AOPEP: variants seen among roughly 807,000 people sequenced by gnomAD.
AOPEP encodes the protein aminopeptidase O (putative).
In AOPEP, 77 loss-of-function variants were observed where a neutral mutation model predicts 98.1. That is an observed-to-expected ratio of 0.78 (90% CI 0.65 to 0.95). AOPEP has a LOEUF of 0.95. Ranked by LOEUF, AOPEP falls within the 40% of genes least tolerant of loss-of-function variation. The pLI, the probability that AOPEP is intolerant of heterozygous loss-of-function variation, is 0.00. For missense variants in AOPEP, 1,024 were observed against 1,024.7 expected, an observed-to-expected ratio of 1.00 and a Z score of 0.01; for synonymous variants, 346 against 365.3, an observed-to-expected ratio of 0.95 and a Z score of 0.60.
At chr9:95,147,343 C>G in the AOPEP span, among the ~76,000 whole-genome samples, 1 of 152,090 alleles carries the variant, frequency 6.6e-6, no homozygotes, top group Admixed American at 6.6e-5. Flanking sequence ...CATGGAAAAC[C>G]CTGTCTCTAC....
At chr9:94,886,701 G>A (rs2048281392) in intron 5 of AOPEP, among the ~76,000 whole-genome samples, 1 of 152,124 alleles carries the variant, frequency 6.6e-6, no homozygotes, top group African/African-American at 2.4e-5. Flanking sequence ...AATTGTTGTG[G>A]AACAGTGCAG....
chr9:95,010,017 C>T (rs1281795419), intron 13 of AOPEP, among the ~76,000 whole-genome samples: 3 of 151,572 alleles, frequency 2.0e-5, no homozygotes, highest in African/African-American at 2.4e-5. Flanking sequence ...TTCATTTGTT[C>T]CTTGTACATA....
chr9:94,821,586 C>T (rs1434703581), intron 5 of AOPEP, among the ~76,000 whole-genome samples: 1 of 152,160 alleles, frequency 6.6e-6, no homozygotes, highest in Non-Finnish European at 1.5e-5. Context: ...TTCCAGGCTC[C>T]TCAAGGAAGA....
chr9:94,772,917 T>C, intron 2 of AOPEP, 85 bp from the exon 3 acceptor site: 2 of 1,301,372 alleles, frequency 1.5e-6, no homozygotes, highest in African/African-American at 1.5e-5. Context: ...AAAGCTCAAC[T>C]TAACCTGCAC....
the AOPEP span, chr9:95,117,474 C>T: frequency 7.7e-6 from 8 of 1,037,730 alleles, no homozygotes; most frequent in South Asian, 4.0e-5. Flanking sequence ...AGTCCTCTGC[C>T]CAAAAAAGAC....
chr9:95,019,637 T>C (rs1571897), intron 13 of AOPEP: 142,836 of 152,262 alleles, frequency 0.94, 67,115 homozygotes, highest in Middle Eastern at 0.99. Flanking sequence ...GACAAAAGTG[T>C]ACTCTAGTTT....
intron 7 of AOPEP, among the ~76,000 whole-genome samples, chr9:94,931,011 G>A (rs750939248): frequency 2.6e-5 from 4 of 152,100 alleles, no homozygotes; most frequent in Admixed American, 1.3e-4. Context: ...TTTCCATTAC[G>A]TCTCTTAGTC....
At chr9:94,850,034 CAAAAA>C (rs11309177) in intron 5 of AOPEP, among the ~76,000 whole-genome samples, 6 of 113,196 alleles carry the variant, frequency 5.3e-5, no homozygotes, top group Middle Eastern at 4.2e-3. Context: ...GATTCCATCT[CAAAAA>C]AAAAAAAAAA....
intron 14 of AOPEP, among the ~76,000 whole-genome samples, chr9:95,076,033 A>C (rs977016586): frequency 5.3e-5 from 8 of 152,334 alleles, no homozygotes; most frequent in Admixed American, 2.0e-4. Context: ...TCTTCAGGCC[A>C]GTGGGTAGCT....
chr9:94,765,678 C>G (rs1839440876), intron 2 of AOPEP, among the ~76,000 whole-genome samples: 1 of 151,342 alleles, frequency 6.6e-6, no homozygotes. Context: ...AGCTGTTTTC[C>G]CACTTTACCA....
rs1031177998 is a variant in AOPEP, at chr9:94,853,835, G to T, written c.1364+52833G>T. ...AGAATAGGGTATTCTTCATCAGACA[G>T]ATATTGTATAATATCCATGGTACAC... On this transcript the variant is annotated intron_variant, in intron 5 of 16. Coordinates refer to ENST00000375315, the MANE Select transcript of AOPEP (RefSeq NM_001193329.3). Among the ~76,000 whole-genome samples the T allele has an allele frequency of 3.3e-5, 5 of 152,198 alleles. No homozygotes were observed. In the East Asian group the frequency reaches 9.6e-4, roughly 29 times the overall value.
intron 11 of AOPEP, among the ~76,000 whole-genome samples, chr9:94,999,153 A>T (rs145547610): frequency 2.6e-5 from 4 of 151,996 alleles, no homozygotes; most frequent in Non-Finnish European, 5.9e-5. Context: ...AAAACAAAAA[A>T]CCCCAAAAAA....
intron 3 of AOPEP, among the ~76,000 whole-genome samples, chr9:94,775,948 C>T (rs1244627631): frequency 1.3e-5 from 2 of 151,906 alleles, no homozygotes; most frequent in Admixed American, 1.3e-4. Context: ...CACTGCACTC[C>T]AGCCTGGGTG....
intron 5 of AOPEP, among the ~76,000 whole-genome samples, chr9:94,825,879 A>C (rs1854403979): frequency 6.6e-6 from 1 of 152,260 alleles, no homozygotes; most frequent in South Asian, 2.1e-4. Context: ...GTGTCAGCCT[A>C]GGAATAACCT....
At position 95,046,278 on chromosome 9, in the gene AOPEP, A is replaced by T. The variant is rs1341067466; in HGVS notation, c.2116-14416A>T. 2.6e-5 allele frequency among the ~76,000 whole-genome samples: 4 copies of T among 152,340 alleles called. No homozygotes were observed. The South Asian group carries it at 8.3e-4, about 32-fold the overall frequency. ...CCTTTTAGTTGAAAGCAGAATTGCA[A>T]ATTTGACCAACTTAATCGGCAGTGG... On this transcript the variant is annotated intron_variant, in intron 13 of 16. Coordinates refer to ENST00000375315, the MANE Select transcript of AOPEP (RefSeq NM_001193329.3).
chr9:94,845,550 T>C (rs1284501041), intron 5 of AOPEP, among the ~76,000 whole-genome samples: 3 of 152,086 alleles, frequency 2.0e-5, no homozygotes, highest in Non-Finnish European at 4.4e-5. Flanking sequence ...AGAGCAGACA[T>C]ACAAGTTAAA....
intron 5 of AOPEP, among the ~76,000 whole-genome samples, chr9:94,835,334 G>C (rs2041458412): frequency 6.6e-6 from 1 of 152,034 alleles, no homozygotes; most frequent in African/African-American, 2.4e-5. Context: ...GTTTTGCTTT[G>C]GCTCATCTGT....
intron 13 of AOPEP, among the ~76,000 whole-genome samples, chr9:95,029,900 C>T (rs1408212621): frequency 6.6e-6 from 1 of 152,136 alleles, no homozygotes; most frequent in Non-Finnish European, 1.5e-5. Context: ...GGGAGGCCCC[C>T]TGGGAGTCCA....
chr9:94,832,306 A>G, intron 5 of AOPEP, among the ~76,000 whole-genome samples: 1 of 152,238 alleles, frequency 6.6e-6, no homozygotes, highest in East Asian at 1.9e-4. Flanking sequence ...TCTTAAATTT[A>G]TGAAAAGATG....
Sources: allele counts gnomAD v4.1 joint callset (sites outside exome capture counted in the v4.1 genomes callset), GRCh38; gene constraint gnomAD v4.1.1; transcripts MANE v1.5; gene names NCBI Gene and HGNC (gene_info 2026-07-23, HGNC 2026-07-21).